Variants in C11orf65 observed in about 807,000 individuals in gnomAD.
C11orf65 encodes chromosome 11 open reading frame 65.
In C11orf65, 38 loss-of-function variants were observed where a neutral mutation model predicts 35.3. The observed-to-expected ratio is 1.08, with a 90% CI of 0.83 to 1.41. The LOEUF (loss-of-function observed/expected upper bound fraction) is 1.41. Among genes scored for constraint, C11orf65 ranks in the 40% most tolerant of loss-of-function variants. The probability of loss-of-function intolerance (pLI) is 0.00; values close to 1 mark genes in which losing one functional copy is unlikely to be tolerated. For missense variants in C11orf65, 370 were observed against 367.1 expected, an observed-to-expected ratio of 1.01 and a Z score of -0.06; for synonymous variants, 105 against 114.4, an observed-to-expected ratio of 0.92 and a Z score of 0.53.
chr11:108,386,474 A>G (rs1382649619), intron 7 of C11orf65, among the ~76,000 whole-genome samples: 1 of 152,212 alleles, frequency 6.6e-6, no homozygotes, highest in Non-Finnish European at 1.5e-5. Flanking sequence ...TGCAGTGTCC[A>G]GAACACGTTA....
rs179108 is a variant in C11orf65 at position 108,353,970 on chromosome 11, G to A, written c.227-18678C>T. ...GTTCTTTGCACCTGTAATCCCAGCT[G>A]CTCAAGAGGCTGAAGTGGGAGGATT... On this transcript the variant is annotated intron_variant, in intron 2 of 3. Transcript: ENST00000524755. 1 allele frequency: 1,266,157 copies of A among 1,266,224 alleles called. 633,045 individuals are homozygous for A. The highest frequency in any genetic ancestry group is 1 in the Middle Eastern group (5,350 of 5,350). 78.4% of individuals were successfully genotyped at this position (1,266,224 alleles called of 1,614,324 possible).
chr11:108,311,372 C>T (rs754146809), intron 6 of C11orf65, among the ~76,000 whole-genome samples: 99 of 151,892 alleles, frequency 6.5e-4, no homozygotes, highest in Non-Finnish European at 1.2e-3. Flanking sequence ...AAGAAGGGTG[C>T]CAAAGTATAA....
At chr11:108,428,034 T>G (rs2092932796) in intron 3 of C11orf65, among the ~76,000 whole-genome samples, 1 of 151,208 alleles carries the variant, frequency 6.6e-6, no homozygotes, top group Admixed American at 6.6e-5. Context: ...TTTCACCGTT[T>G]TAGCCGGGAT....
intron 2 of C11orf65, among the ~76,000 whole-genome samples, chr11:108,439,415 G>C (rs1366017660): frequency 6.6e-6 from 1 of 152,196 alleles, no homozygotes; most frequent in Admixed American, 6.5e-5. Flanking sequence ...CTGTGGTAAA[G>C]TTTGGCAGTT....
At chr11:108,388,903 G>A (rs554381125) in intron 7 of C11orf65, among the ~76,000 whole-genome samples, 1 of 152,356 alleles carries the variant, frequency 6.6e-6, no homozygotes, top group Admixed American at 6.5e-5. Context: ...TAGTGAAACT[G>A]GCTCTATCCA....
chr11:108,415,890 A>G (rs80292023), intron 3 of C11orf65, among the ~76,000 whole-genome samples: 7,229 of 152,228 alleles, frequency 0.047, 227 homozygotes, highest in Non-Finnish European at 0.071. Flanking sequence ...GTGCTGGAAC[A>G]CCATTTGGAC....
At chr11:108,323,449 C>A (rs569311694) in intron 6 of C11orf65, among the ~76,000 whole-genome samples, 1 of 152,164 alleles carries the variant, frequency 6.6e-6, no homozygotes, top group African/African-American at 2.4e-5. Context: ...AGTGAAAAAA[C>A]ACAGGTAAAT....
chr11:108,325,569 A>G (rs768575619), intron 6 of C11orf65: 1 of 1,543,020 alleles, frequency 6.5e-7, no homozygotes, highest in Non-Finnish European at 8.9e-7. Context: ...AAACTATGTC[A>G]TCTTACCTCT....
At position 108,335,868 on chromosome 11, in the gene C11orf65, T is replaced by A. The variant is rs1431188311; in HGVS notation, c.227-576A>T. The A allele has an allele frequency of 1.2e-6, 2 of 1,613,828 alleles. No individual in the cohort carries two copies. Among genetic ancestry groups the A allele is most frequent in the Non-Finnish European group, 1.7e-6 (2 of 1,179,902 alleles). On this transcript the variant is annotated intron_variant, in intron 2 of 3. Coordinates refer to the C11orf65 transcript ENST00000524755. ...AGGGCCGTGATGACCTGAGACAAGA[T>A]GCTGTCATGCAACAGGTCTTCCAGA...
In C11orf65 at chr11:108,316,008, T is replaced by C. The variant is rs748380897; in HGVS notation, c.641-6937A>G. On this transcript the variant is annotated intron_variant, in intron 6 of 6. Transcript: ENST00000525729. ...AAGCTATTTTCACAATCTTTTCTTA[T>C]AGACTACGAACATATGAACACGAAG... is the stretch of plus-strand genomic sequence containing the variant. 7 of 1,613,958 alleles carry C rather than the reference T, an allele frequency of 4.3e-6. No individual in the cohort carries two copies. Among genetic ancestry groups the C allele is most frequent in the East Asian group, 2.2e-5 (1 of 44,862 alleles).
At chr11:108,413,229 T>C (rs553095042) in intron 3 of C11orf65, among the ~76,000 whole-genome samples, 21 of 152,226 alleles carry the variant, frequency 1.4e-4, no homozygotes, top group Non-Finnish European at 2.6e-4. Context: ...ATATGTGCAA[T>C]TTTGTTACAT....
At chr11:108,338,693 A>G (rs1185370915) in intron 2 of C11orf65, among the ~76,000 whole-genome samples, 3 of 149,374 alleles carry the variant, frequency 2.0e-5, no homozygotes, top group Non-Finnish European at 4.4e-5. Flanking sequence ...AACCCAGATA[A>G]TTAATTATTT....
At chr11:108,344,193 G>A (rs2087981983) in intron 2 of C11orf65, among the ~76,000 whole-genome samples, 1 of 152,092 alleles carries the variant, frequency 6.6e-6, no homozygotes, top group South Asian at 2.1e-4. Flanking sequence ...GTCTGTACAG[G>A]GCACACAGGG....
intron 6 of C11orf65, among the ~76,000 whole-genome samples, chr11:108,323,490 C>T (rs1321471285): frequency 2.0e-5 from 3 of 151,940 alleles, no homozygotes; most frequent in African/African-American, 7.3e-5. Flanking sequence ...TTTGATAGCA[C>T]AATAGGGCAA....
At chr11:108,382,508 C>T (rs893346515), downstream of C11orf65, among the ~76,000 whole-genome samples, 1 of 151,786 alleles carries the variant, frequency 6.6e-6, no homozygotes, top group Non-Finnish European at 1.5e-5. Flanking sequence ...TAGGCAGTAA[C>T]TAAGTGTGAG....
intron 6 of C11orf65, among the ~76,000 whole-genome samples, chr11:108,401,972 C>A (rs1038521350): frequency 6.6e-6 from 1 of 152,210 alleles, no homozygotes; most frequent in Non-Finnish European, 1.5e-5. Flanking sequence ...AGCCAACTCT[C>A]GATCTAACAA....
chr11:108,382,429 C>G (rs1020271335), downstream of C11orf65, among the ~76,000 whole-genome samples: 1 of 151,300 alleles, frequency 6.6e-6, no homozygotes, highest in Non-Finnish European at 1.5e-5. Flanking sequence ...TTGATGAAAG[C>G]AAGTAAAGAG....
At chr11:108,380,664 A>T (rs193098586), downstream of C11orf65, among the ~76,000 whole-genome samples, 94 of 152,362 alleles carry the variant, frequency 6.2e-4, 1 homozygote, top group East Asian at 0.018. Context: ...TTTTCTCAGA[A>T]AAACTAATCT....
intron 2 of C11orf65, among the ~76,000 whole-genome samples, chr11:108,358,552 C>T (rs1483037298): frequency 1.3e-4 from 17 of 129,172 alleles, no homozygotes; most frequent in African/African-American, 3.5e-4. Context: ...AGAGAAAGGT[C>T]GGGTTACCCT....
Sources: allele counts gnomAD v4.1 joint callset (sites outside exome capture counted in the v4.1 genomes callset), GRCh38; gene constraint gnomAD v4.1.1; transcripts MANE v1.5; gene names NCBI Gene and HGNC (gene_info 2026-07-23, HGNC 2026-07-21).